Variants in ZDHHC20 observed in about 807,000 individuals in gnomAD.
ZDHHC20 encodes the protein zDHHC palmitoyltransferase 20.
Under a neutral mutation model 57.8 loss-of-function variants are expected in ZDHHC20, and 43 were observed. That is an observed-to-expected ratio of 0.74 (90% CI 0.58 to 0.96). ZDHHC20 has a LOEUF of 0.96. Ranked by LOEUF, ZDHHC20 falls within the 40% of genes least tolerant of loss-of-function variation. The pLI, the probability that ZDHHC20 is intolerant of heterozygous loss-of-function variation, is 0.00. For missense variants in ZDHHC20, 391 were observed against 441.1 expected, an observed-to-expected ratio of 0.89 and a Z score of 1.02; for synonymous variants, 157 against 153.0, an observed-to-expected ratio of 1.03 and a Z score of -0.19.
chr13:21,451,643 T>C (rs1204804569), intron 1 of ZDHHC20, among the ~76,000 whole-genome samples: 1 of 152,040 alleles, frequency 6.6e-6, no homozygotes, highest in Non-Finnish European at 1.5e-5. Context: ...TGATACATAA[T>C]ACACAGATGA....
chr13:21,417,387 C>T (rs1880111554), intron 3 of ZDHHC20, among the ~76,000 whole-genome samples: 1 of 151,992 alleles, frequency 6.6e-6, no homozygotes, highest in Admixed American at 6.6e-5. Flanking sequence ...AAAAGACACC[C>T]CACCCGTATT....
chr13:21,410,999 C>T (rs748922000), intron 4 of ZDHHC20, among the ~76,000 whole-genome samples: 2 of 152,172 alleles, frequency 1.3e-5, no homozygotes, highest in East Asian at 1.9e-4. Flanking sequence ...TGTAGGCACC[C>T]GAGGGAATCT....
chr13:21,404,755 A>G (rs895756756), intron 4 of ZDHHC20, among the ~76,000 whole-genome samples: 8 of 148,738 alleles, frequency 5.4e-5, no homozygotes, highest in Non-Finnish European at 9.0e-5. Context: ...TTCCATCTCA[A>G]AAAAAAAAAA....
At chr13:21,423,697 T>A (rs936738853) in intron 2 of ZDHHC20, among the ~76,000 whole-genome samples, 8 of 149,858 alleles carry the variant, frequency 5.3e-5, no homozygotes, top group Admixed American at 6.7e-5. Context: ...AAAGAAAAAA[T>A]ATATATATTA....
chr13:21,404,073 T>C (rs552638802), intron 4 of ZDHHC20, among the ~76,000 whole-genome samples: 19 of 152,324 alleles, frequency 1.2e-4, no homozygotes, highest in African/African-American at 4.6e-4. Flanking sequence ...AAGAGTGATG[T>C]TCATTACAGC....
rs1315659153 is a variant in ZDHHC20, at chr13:21,447,571, C to T, written c.118+11483G>A. Among the ~76,000 whole-genome samples the T allele has an allele frequency of 2.0e-5, 3 of 146,380 alleles. 1 individual carries two copies. In the Admixed American group the frequency reaches 2.1e-4, roughly 10 times the overall value. ...GGTGCCGGGATTGCAGAGGGAGTCT[C>T]GTTCACTCAGTGCTCAATGGTGCCC... On this transcript the variant is annotated intron_variant, in intron 1 of 12. Transcript: ENST00000400590.
chr13:21,389,277 T>A (rs186389971), intron 8 of ZDHHC20, among the ~76,000 whole-genome samples: 2 of 152,168 alleles, frequency 1.3e-5, no homozygotes, highest in Non-Finnish European at 2.9e-5. Context: ...AGTGGAGAAC[T>A]AGCTAAAGAC....
intron 11 of ZDHHC20, among the ~76,000 whole-genome samples, chr13:21,380,552 G>T (rs866227671): frequency 6.6e-6 from 1 of 151,960 alleles, no homozygotes; most frequent in Admixed American, 6.5e-5. Context: ...CCAGCACTTT[G>T]GGGGGCTGAG....
intron 1 of ZDHHC20, among the ~76,000 whole-genome samples, chr13:21,450,274 A>T (rs1884321014): frequency 6.6e-6 from 1 of 152,142 alleles, no homozygotes; most frequent in African/African-American, 2.4e-5. Flanking sequence ...CTCTGCCGGA[A>T]AGGGAGCGGG....
In ZDHHC20 at chr13:21,382,981, G is replaced by C; in HGVS notation, c.883C>G (p.Arg295Gly). 1 of 1,562,620 alleles carries C rather than the reference G, an allele frequency of 6.4e-7. No homozygotes were observed. The highest frequency in any genetic ancestry group is 8.7e-7 in the Non-Finnish European group (1 of 1,152,488). ...SLGDGCSFPT[R>G]LVGMDPEQAS... is the part of the protein sequence containing the mutation. ...TGTTCTGGATCCATCCCCACAAGGC[G>C]AGTTGGAAAACTGCAACCATCACCC... The change falls in exon 10 of 13, where the codon CGC (arginine) becomes GGC (glycine). Residue 295 changes from arginine to glycine, a missense_variant. Transcript: ENST00000400590.
At chr13:21,452,325 CTTAAA>C (rs1204381547) in intron 1 of ZDHHC20, among the ~76,000 whole-genome samples, 2 of 152,300 alleles carry the variant, frequency 1.3e-5, no homozygotes, top group East Asian at 3.9e-4. Flanking sequence ...CATTGTACAT[CTTAAA>C]TTAGTGAATT....
At chr13:21,420,864 A>T (rs1880566994) in intron 3 of ZDHHC20, among the ~76,000 whole-genome samples, 197 bp downstream of exon 3, 1 of 152,222 alleles carries the variant, frequency 6.6e-6, no homozygotes, top group South Asian at 2.1e-4. Flanking sequence ...ATACCGCTGA[A>T]CTTTTACTAT....
At chr13:21,444,659 T>C (rs1883501777) in intron 1 of ZDHHC20, among the ~76,000 whole-genome samples, 1 of 152,214 alleles carries the variant, frequency 6.6e-6, no homozygotes, top group South Asian at 2.1e-4. Flanking sequence ...TAAATCAGCC[T>C]TCTCTACGTG....
Position 21,374,579 on chromosome 13 carries a change from G to T in ZDHHC20, c.*2117C>A. On this transcript the variant is annotated 3_prime_UTR_variant, in exon 13 of 13. Transcript: ENST00000400590. ...TCTCATTCTAGTTTGCTAGAATCAA[G>T]ATTACTAAGGAGTTGAAACAAAGGT... The T allele has an allele frequency of 3.4e-6, 1 of 296,544 alleles. No homozygotes were observed. Among genetic ancestry groups the T allele is most frequent in the Non-Finnish European group, 7.0e-6 (1 of 142,480 alleles). The allele number at this position is 296,544 out of a possible 1,614,324, so 18.4% of individuals were successfully genotyped here. A position where few individuals can be genotyped will look rare whatever the true frequency, so the allele number is the denominator to read the frequency against.
At chr13:21,437,937 C>T (rs942521688) in intron 1 of ZDHHC20, among the ~76,000 whole-genome samples, 4 of 152,186 alleles carry the variant, frequency 2.6e-5, no homozygotes, top group African/African-American at 4.8e-5. Flanking sequence ...GTGATCTGCC[C>T]GCCTCGGCCT....
chr13:21,413,232 T>A (rs1427748113), intron 4 of ZDHHC20, among the ~76,000 whole-genome samples: 3 of 152,064 alleles, frequency 2.0e-5, no homozygotes, highest in Non-Finnish European at 2.9e-5. Flanking sequence ...GCCTTATACA[T>A]CTGAACAAGT....
chr13:21,440,896 AAG>A (rs1209756239), intron 1 of ZDHHC20, among the ~76,000 whole-genome samples: 2 of 152,044 alleles, frequency 1.3e-5, no homozygotes, highest in African/African-American at 2.4e-5. Flanking sequence ...TTAAAAAAAA[AAG>A]AGAGAGAGAG....
intron 5 of ZDHHC20, among the ~76,000 whole-genome samples, 192 bp downstream of exon 5, chr13:21,402,605 T>G (rs1566080245): frequency 6.6e-6 from 1 of 152,230 alleles, no homozygotes; most frequent in Non-Finnish European, 1.5e-5. Flanking sequence ...GGAACTGTTA[T>G]CAAAGATACA....
chr13:21,396,085 C>T (rs1444992741), intron 7 of ZDHHC20, among the ~76,000 whole-genome samples: 1 of 152,162 alleles, frequency 6.6e-6, no homozygotes, highest in Non-Finnish European at 1.5e-5. Flanking sequence ...TCTGCAATTC[C>T]TGCAGCCAGC....
Sources: gnomAD v4.1 joint callset for allele counts (sites outside exome capture counted in the v4.1 genomes callset) on GRCh38, gnomAD v4.1.1 for gene constraint, MANE v1.5 for transcripts, NCBI Gene and HGNC (gene_info 2026-07-23, HGNC 2026-07-21) for gene names.